SPAG16: variants seen among roughly 807,000 people sequenced by gnomAD.
SPAG16 encodes sperm-associated antigen 16 protein.
A neutral mutation model predicts 80.4 loss-of-function variants in SPAG16; 86 were observed. The ratio of observed to expected loss-of-function variants is 1.07; its 90% CI spans 0.90 to 1.28. The LOEUF (loss-of-function observed/expected upper bound fraction) is 1.28. SPAG16 is among the 50% of genes most tolerant of loss of function. The pLI, the probability that SPAG16 is intolerant of heterozygous loss-of-function variation, is 0.00. For missense variants in SPAG16, 870 were observed against 765.3 expected (o/e 1.14, Z -1.61); for synonymous variants, 294 against 265.9 (o/e 1.11, Z -1.03).
intron 11 of SPAG16, among the ~76,000 whole-genome samples, chr2:213,878,775 T>C (rs2076235528): frequency 2.0e-5 from 3 of 152,150 alleles, no homozygotes; most frequent in Non-Finnish European, 4.4e-5. Context: ...ATTTTAATAG[T>C]TTCGAGTGTT....
intron 10 of SPAG16, among the ~76,000 whole-genome samples, chr2:213,700,089 G>A (rs2125321407): frequency 6.6e-6 from 1 of 152,126 alleles, no homozygotes; most frequent in Middle Eastern, 3.4e-3. Flanking sequence ...ATGTAATTCA[G>A]TAAAGAAATG....
chr2:213,812,209 G>T (rs1481995516), intron 10 of SPAG16, among the ~76,000 whole-genome samples: 2 of 152,086 alleles, frequency 1.3e-5, no homozygotes, highest in Admixed American at 1.3e-4. Flanking sequence ...TCAAGGCAAA[G>T]TACCAGAGAA....
chr2:213,593,837 A>C (rs1254032201), intron 10 of SPAG16, among the ~76,000 whole-genome samples: 1 of 119,790 alleles, frequency 8.3e-6, no homozygotes, highest in Non-Finnish European at 1.6e-5. Flanking sequence ...TGCAGTGTAG[A>C]GATCTCGGCT....
chr2:213,486,598 T>A (rs552684638), intron 9 of SPAG16, among the ~76,000 whole-genome samples: 2 of 152,248 alleles, frequency 1.3e-5, no homozygotes, highest in East Asian at 3.9e-4. Context: ...TTTTTTAAAA[T>A]GTAAGACTAT....
chr2:213,513,397 C>A lies in SPAG16; in HGVS notation c.1070+23307C>A, dbSNP rs1378102842. Among the ~76,000 whole-genome samples the A allele has an allele frequency of 2.0e-5, 3 of 152,228 alleles. No individual in the cohort carries two copies. In the East Asian group the frequency reaches 5.8e-4, roughly 29 times the overall value. On this transcript the variant is annotated intron_variant, in intron 10 of 15. Coordinates refer to ENST00000331683, the MANE Select transcript of SPAG16 (RefSeq NM_024532.5). The stretch of plus-strand genomic sequence containing the variant: ...TTCCATTTCTATGCATGTTCTCAGG[C>A]AATTTGGGGTTCACACAGTTATAAA...
chr2:214,298,535 A>G (rs1161685899), intron 15 of SPAG16, among the ~76,000 whole-genome samples: 6 of 152,178 alleles, frequency 3.9e-5, no homozygotes, highest in Non-Finnish European at 8.8e-5. Flanking sequence ...AAAATTCACT[A>G]TCTTGTAATG....
intron 12 of SPAG16, among the ~76,000 whole-genome samples, chr2:213,996,051 C>G (rs190811502): frequency 6.6e-6 from 1 of 152,312 alleles, no homozygotes; most frequent in East Asian, 1.9e-4. Flanking sequence ...ATGAGAAACA[C>G]TTCTGACTCC....
chr2:214,010,966 A>G (rs1352007872), intron 12 of SPAG16, among the ~76,000 whole-genome samples: 1 of 145,778 alleles, frequency 6.9e-6, no homozygotes, highest in Non-Finnish European at 1.5e-5. Flanking sequence ...ATACTTTAAT[A>G]TTTTTCTTAA....
rs966784907 is a variant in SPAG16 at position 214,018,539 on chromosome 2, T to A, written c.1527+4462T>A. Among the ~76,000 whole-genome samples, 5 of 152,282 alleles carry A rather than the reference T, an allele frequency of 3.3e-5. No homozygotes were observed. In the South Asian group the frequency reaches 1.0e-3, roughly 32 times the overall value. On this transcript the variant is annotated intron_variant, in intron 13 of 15. Coordinates refer to ENST00000331683, the MANE Select transcript of SPAG16 (RefSeq NM_024532.5). ...AACATATTGATATGGATGACATTAT[T>A]TGATTTGCAACATCAACTGAATCCA...
intron 12 of SPAG16, among the ~76,000 whole-genome samples, chr2:214,004,192 G>A (rs2046923752): frequency 6.6e-6 from 1 of 152,184 alleles, no homozygotes; most frequent in Non-Finnish European, 1.5e-5. Context: ...GGTAAGATCA[G>A]GTGGTAATCA....
chr2:213,869,678 A>G (rs1406261156), intron 11 of SPAG16, among the ~76,000 whole-genome samples: 3 of 150,094 alleles, frequency 2.0e-5, no homozygotes, highest in Non-Finnish European at 4.4e-5. Flanking sequence ...TTCCAAAAGT[A>G]ATACAGGATC....
intron 10 of SPAG16, among the ~76,000 whole-genome samples, chr2:213,637,388 G>T (rs1354283691): frequency 6.6e-6 from 1 of 152,118 alleles, no homozygotes; most frequent in African/African-American, 2.4e-5. Context: ...CAGGCATATT[G>T]GTCTGTAGTT....
intron 10 of SPAG16, among the ~76,000 whole-genome samples, chr2:213,543,437 C>T (rs988412004): frequency 6.6e-6 from 1 of 151,578 alleles, no homozygotes; most frequent in Admixed American, 6.6e-5. Context: ...TTTAATGTAC[C>T]CAATTTTCCT....
intron 10 of SPAG16, among the ~76,000 whole-genome samples, chr2:213,736,758 G>C (rs1172508754): frequency 6.8e-6 from 1 of 147,536 alleles, no homozygotes; most frequent in African/African-American, 2.5e-5. Context: ...AAGCTGCAGT[G>C]CAATGGCGAG....
At chr2:214,095,288 A>G (rs1334166973) in intron 13 of SPAG16, among the ~76,000 whole-genome samples, 1 of 152,034 alleles carries the variant, frequency 6.6e-6, no homozygotes, top group Non-Finnish European at 1.5e-5. Context: ...TATAACAGAG[A>G]AAGCAGACAC....
chr2:214,063,860 T>A (rs1395793143), intron 13 of SPAG16, among the ~76,000 whole-genome samples: 2 of 152,210 alleles, frequency 1.3e-5, no homozygotes, highest in Non-Finnish European at 2.9e-5. Context: ...TTATTATCTA[T>A]CTCTCCTCTC....
intron 14 of SPAG16, among the ~76,000 whole-genome samples, chr2:214,110,016 A>C (rs150611241): frequency 6.2e-4 from 94 of 152,330 alleles, no homozygotes; most frequent in African/African-American, 2.2e-3. Context: ...TAAACTTAAT[A>C]AATATGGAAA....
intron 15 of SPAG16, among the ~76,000 whole-genome samples, chr2:214,382,423 C>A (rs568263313): frequency 2.0e-5 from 3 of 152,186 alleles, no homozygotes; most frequent in African/African-American, 7.2e-5. Context: ...ATTTTGTGGG[C>A]CCCTATCCAG....
At chr2:213,592,558 C>T (rs542737155) in intron 10 of SPAG16, among the ~76,000 whole-genome samples, 98 of 152,272 alleles carry the variant, frequency 6.4e-4, no homozygotes, top group African/African-American at 2.1e-3. Context: ...ATCTAAAAAA[C>T]ATCCCGCAAT....
Sources: gnomAD v4.1 joint callset for allele counts (sites outside exome capture counted in the v4.1 genomes callset) on GRCh38, gnomAD v4.1.1 for gene constraint, MANE v1.5 for transcripts, NCBI Gene and HGNC (gene_info 2026-07-23, HGNC 2026-07-21) for gene names.